The following LDLRAD4 variants were observed in gnomAD, a reference collection of about 807,000 sequenced individuals.
LDLRAD4 encodes low density lipoprotein receptor class A domain containing 4.
Under a neutral mutation model 17.0 loss-of-function variants are expected in LDLRAD4, and 5 were observed. That is an observed-to-expected ratio of 0.29 (90% CI 0.15 to 0.62). The LOEUF is 0.62. Among genes scored for constraint, LDLRAD4 ranks in the 20% least tolerant of loss-of-function variants. The pLI, the probability that LDLRAD4 is intolerant of heterozygous loss-of-function variation, is 0.84. For missense variants in LDLRAD4, 340 were observed against 424.7 expected (o/e 0.80, Z 1.75); for synonymous variants, 168 against 171.8 (o/e 0.98, Z 0.17).
At chr18:13,360,379 G>A (rs1479469603) in intron 1 of LDLRAD4, among the ~76,000 whole-genome samples, 1 of 152,246 alleles carries the variant, frequency 6.6e-6, no homozygotes, top group African/African-American at 2.4e-5. Flanking sequence ...TCCAAGTGAG[G>A]AGATGTGTGG....
intron 1 of LDLRAD4, among the ~76,000 whole-genome samples, chr18:13,369,938 G>A (rs79041076): frequency 0.073 from 11,091 of 152,256 alleles, 475 homozygotes; most frequent in Non-Finnish European, 0.1. Flanking sequence ...TGCCACCCAG[G>A]AGCGAGCCGT....
At chr18:13,643,862 G>A (rs560301665) in intron 5 of LDLRAD4, among the ~76,000 whole-genome samples, 1 of 151,864 alleles carries the variant, frequency 6.6e-6, no homozygotes, top group Admixed American at 6.5e-5. Flanking sequence ...TTAAATGCAT[G>A]TATATACACA....
At chr18:13,325,999 C>T (rs1476197817) in intron 1 of LDLRAD4, among the ~76,000 whole-genome samples, 3 of 151,994 alleles carry the variant, frequency 2.0e-5, no homozygotes, top group African/African-American at 7.3e-5. Flanking sequence ...GATCTCCTGA[C>T]CTCATGATCC....
intron 1 of LDLRAD4, among the ~76,000 whole-genome samples, chr18:13,338,772 T>C (rs1477368043): frequency 2.6e-5 from 4 of 152,118 alleles, no homozygotes; most frequent in Admixed American, 2.6e-4. Flanking sequence ...CTCGTGTGTT[T>C]TTTTGTTTGT....
chr18:13,349,001 TC>T (rs1468504778), intron 1 of LDLRAD4, among the ~76,000 whole-genome samples: 2 of 152,190 alleles, frequency 1.3e-5, no homozygotes, highest in African/African-American at 4.8e-5. Flanking sequence ...GAAAGGGAAT[TC>T]CCTGACCCCT....
chr18:13,482,959 C>T (rs964521813), intron 3 of LDLRAD4, among the ~76,000 whole-genome samples: 1 of 152,104 alleles, frequency 6.6e-6, no homozygotes, highest in Non-Finnish European at 1.5e-5. Flanking sequence ...TGCATTCCTT[C>T]CAGAGGAACT....
chr18:13,608,846 T>G (rs2095249747), intron 3 of LDLRAD4, among the ~76,000 whole-genome samples: 1 of 152,188 alleles, frequency 6.6e-6, no homozygotes, highest in African/African-American at 2.4e-5. Context: ...ATTTGTCAGA[T>G]GGATTAATGA....
At chr18:13,324,146 T>C (rs999366139) in intron 1 of LDLRAD4, among the ~76,000 whole-genome samples, 1 of 152,062 alleles carries the variant, frequency 6.6e-6, no homozygotes, top group African/African-American at 2.4e-5. Context: ...TGTCTATTTT[T>C]TTTTTTTTTG....
At chr18:13,508,478 C>A (rs1207095313) in intron 3 of LDLRAD4, among the ~76,000 whole-genome samples, 1 of 152,188 alleles carries the variant, frequency 6.6e-6, no homozygotes, top group Non-Finnish European at 1.5e-5. Flanking sequence ...CTTCAAAGGA[C>A]AGGCTAAATT....
At chr18:13,603,401 C>T (rs933346231) in intron 3 of LDLRAD4, among the ~76,000 whole-genome samples, 15 of 152,164 alleles carry the variant, frequency 9.9e-5, no homozygotes, top group Admixed American at 7.2e-4. Context: ...GTCCTCGGAT[C>T]GGCCACATTT....
chr18:13,310,440 CGTT>C (rs1433719945), intron 1 of LDLRAD4, among the ~76,000 whole-genome samples: 5 of 151,892 alleles, frequency 3.3e-5, no homozygotes, highest in Admixed American at 6.6e-5. Flanking sequence ...TGGTGATAGA[CGTT>C]GTGGTTGAAA....
intron 3 of LDLRAD4, among the ~76,000 whole-genome samples, chr18:13,581,021 C>G (rs999424980): frequency 1.3e-5 from 2 of 152,086 alleles, no homozygotes; most frequent in Non-Finnish European, 2.9e-5. Context: ...GATTTTGCAT[C>G]TTTTGCAGAT....
chr18:13,457,453 C>T (rs1328151701), intron 3 of LDLRAD4, among the ~76,000 whole-genome samples: 1 of 152,174 alleles, frequency 6.6e-6, no homozygotes, highest in Non-Finnish European at 1.5e-5. Flanking sequence ...TTGATGTCAG[C>T]TTTCTTCCCC....
chr18:13,571,677 C>T (rs538850042), intron 3 of LDLRAD4, among the ~76,000 whole-genome samples: 184 of 152,302 alleles, frequency 1.2e-3, no homozygotes, highest in Non-Finnish European at 2.1e-3. Context: ...CGCTCTGTTG[C>T]CCAGGCTGGA....
chr18:13,571,504 C>G (rs1293698133), intron 3 of LDLRAD4, among the ~76,000 whole-genome samples: 1 of 152,198 alleles, frequency 6.6e-6, no homozygotes, highest in African/African-American at 2.4e-5. Context: ...GGGCTCATCC[C>G]CAGCAGGGTC....
chr18:13,279,236 T>G (rs2045094534), intron 1 of LDLRAD4, among the ~76,000 whole-genome samples: 2 of 152,224 alleles, frequency 1.3e-5, no homozygotes, highest in Admixed American at 1.3e-4. Context: ...ACTAAATGCT[T>G]GTTATTCACA....
At chr18:13,613,052 T>C (rs933525663) in intron 3 of LDLRAD4, 3 of 315,590 alleles carry the variant, frequency 9.5e-6, no homozygotes, top group African/African-American at 6.4e-5. Context: ...GCTTTGGAGT[T>C]TTGTTTTTTT....
At chr18:13,442,241 G>T (rs2091070109) in intron 3 of LDLRAD4, among the ~76,000 whole-genome samples, 2 of 152,158 alleles carry the variant, frequency 1.3e-5, no homozygotes, top group Admixed American at 1.3e-4. Flanking sequence ...TGCTATCAAG[G>T]TGCTGAGAGT....
At chr18:13,580,849 T>C (rs1367361326) in intron 3 of LDLRAD4, among the ~76,000 whole-genome samples, 1 of 152,230 alleles carries the variant, frequency 6.6e-6, no homozygotes, top group Non-Finnish European at 1.5e-5. Flanking sequence ...AAAAGCAGCA[T>C]CGCTTAACTA....
Sources: gnomAD v4.1 joint callset for allele counts (sites outside exome capture counted in the v4.1 genomes callset) on GRCh38, gnomAD v4.1.1 for gene constraint, MANE v1.5 for transcripts, NCBI Gene and HGNC (gene_info 2026-07-23, HGNC 2026-07-21) for gene names.